Variants in TNRC6C observed in about 807,000 individuals in gnomAD.
The protein encoded by TNRC6C is trinucleotide repeat containing adaptor 6C, also known as trinucleotide repeat-containing gene 6C protein.
TNRC6C carries 20 observed loss-of-function variants against 153.7 expected under a neutral mutation model. That is an observed-to-expected ratio of 0.13 (90% CI 0.09 to 0.19). The LOEUF is 0.19. Ranked by LOEUF, TNRC6C falls within the 10% of genes least tolerant of loss-of-function variation. The probability of loss-of-function intolerance (pLI) is 1.00; values close to 1 mark genes in which losing one functional copy is unlikely to be tolerated. For synonymous variants in TNRC6C, 811 were observed against 841.4 expected, an observed-to-expected ratio of 0.96 and a Z score of 0.63; for missense variants, 1,987 against 2,172.0, an observed-to-expected ratio of 0.91 and a Z score of 1.69.
At chr17:77,969,408 C>G (rs1339871482) in intron 1 of TNRC6C, among the ~76,000 whole-genome samples, 1 of 152,110 alleles carries the variant, frequency 6.6e-6, no homozygotes, top group Admixed American at 6.5e-5. Flanking sequence ...CGCCACCATG[C>G]CCAGCTAATT....
chr17:78,051,218 G>A (rs773055738), exon 3 of TNRC6C: 27 of 1,565,066 alleles, frequency 1.7e-5, no homozygotes, highest in East Asian at 2.4e-5. Flanking sequence ...CCGTCCATTC[G>A]CCGCAAAATG....
chr17:78,104,879 C>A lies in TNRC6C; in HGVS notation c.*34C>A. The A allele has an allele frequency of 7.2e-7, 1 of 1,385,512 alleles. No individual in the cohort carries two copies. The highest frequency in any genetic ancestry group is 1.6e-5 in the South Asian group (1 of 60,670). 85.8% of individuals were successfully genotyped at this position (1,385,512 alleles called of 1,614,324 possible). On this transcript the variant is annotated 3_prime_UTR_variant, in exon 20 of 20. Transcript: ENST00000301624. This position sits in a 1 kb window ranked among gnomAD's most constrained non-coding sequence, Gnocchi z 6.2. The stretch of plus-strand genomic sequence containing the variant: ...ATCATCAGCACCAGGAGAGCCGACC[C>A]CTCCCGGGACCCCTCCCGGCTGGGC...
chr17:78,050,436 T>G, exon 3 of TNRC6C: 5 of 1,614,032 alleles, frequency 3.1e-6, no homozygotes, highest in Non-Finnish European at 3.4e-6. Flanking sequence ...AGCAAAACAC[T>G]GCCTGGGAAT....
intron 4 of TNRC6C, 112 bp downstream of exon 6, chr17:78,065,049 C>A: frequency 7.9e-7 from 1 of 1,269,388 alleles, no homozygotes; most frequent in Non-Finnish European, 1.1e-6. Flanking sequence ...TACACTTTAA[C>A]TACAAACCAA....
At chr17:78,103,330 A>G in intron 18 of TNRC6C, 84 bp from the exon 22 acceptor site, 2 of 1,526,446 alleles carry the variant, frequency 1.3e-6, no homozygotes, top group East Asian at 2.3e-5. Flanking sequence ...TAGTGTATCC[A>G]ATTTCATACG....
At chr17:77,968,046 T>A (rs1459696470) in intron 1 of TNRC6C, among the ~76,000 whole-genome samples, 1 of 152,182 alleles carries the variant, frequency 6.6e-6, no homozygotes, top group Non-Finnish European at 1.5e-5. Flanking sequence ...TTCTTATTCT[T>A]ATTTTGAGAC....
intron 3 of TNRC6C, among the ~76,000 whole-genome samples, chr17:78,061,717 G>GT (rs1567945493): frequency 6.6e-6 from 1 of 152,136 alleles, no homozygotes. Flanking sequence ...GAAATATTTG[G>GT]TTTTTTAATT....
rs765595535 is a variant in TNRC6C at position 78,051,325 on chromosome 17, A to G, written c.2263A>G (p.Ser755Gly). The stretch of plus-strand genomic sequence containing the variant: ...TAGAAACAACCCGGTCATCCAGAGC[A>G]GTACCACGACCAATACCACCACCAC... Residue 755 changes from serine (S) to glycine (G), a missense_variant, in exon 3 of 20, where the codon AGT becomes GGT. Ser to Gly is a moderately conservative substitution (Grantham distance 56, BLOSUM62 0). Around this residue, in one of 4 missense-constraint regions of TNRC6C, gnomAD observed 1,052 missense variants for 1,017.0 expected, o/e 1.03. Coordinates refer to ENST00000301624, the Ensembl canonical transcript of TNRC6C. 1.3e-6 allele frequency: 2 copies of G among 1,551,772 alleles called. No individual in the cohort carries two copies. Among genetic ancestry groups the G allele is most frequent in the Non-Finnish European group, 1.7e-6 (2 of 1,147,034 alleles).
chr17:77,988,938 C>T (rs2071211155), intron 1 of TNRC6C, among the ~76,000 whole-genome samples: 1 of 152,140 alleles, frequency 6.6e-6, no homozygotes, highest in Admixed American at 6.5e-5. Flanking sequence ...AAGCAGGGAC[C>T]TAGAACATCA....
At chr17:77,971,554 C>T (rs567841921) in intron 1 of TNRC6C, among the ~76,000 whole-genome samples, 1 of 152,234 alleles carries the variant, frequency 6.6e-6, no homozygotes, top group African/African-American at 2.4e-5. Context: ...CAGAACTGCA[C>T]CCCTGTTCTT....
rs141094816 is a variant in TNRC6C at position 78,052,201 on chromosome 17, G to A, written c.2395+744G>A. On this transcript the variant is annotated intron_variant, in intron 3 of 19. Transcript: ENST00000301624. ...CTGGGGTTCTTTTCTCTCTGGGAGT[G>A]TGAATACTAGCCCAGAGTGGAGGAG... Among the ~76,000 whole-genome samples, 564 of 152,338 alleles carry A rather than the reference G, an allele frequency of 3.7e-3. 7 individuals carry two copies. Among genetic ancestry groups the A allele is most frequent in the African/African-American group, 0.013 (522 of 41,588 alleles).
Position 78,075,190 on chromosome 17 carries a change from A to T in TNRC6C, c.2972A>T (p.Asp991Val). Reference sequence around the variant, plus strand: ...GACAAGCGTGGGCTGGGAGTGACCGACCATAATGGAATGGCCGCCAAGCCC... The same window carrying T: ...GACAAGCGTGGGCTGGGAGTGACCGTCCATAATGGAATGGCCGCCAAGCCC... The change falls in exon 8 of 20, where the codon GAC (aspartate) becomes GTC (valine). Residue 991 changes from aspartate (D) to valine (V), a missense_variant. By Grantham distance (152) the Asp-to-Val change is radical. Around this residue, in one of 4 missense-constraint regions of TNRC6C, gnomAD observed 765 missense variants for 908.6 expected, o/e 0.84. Transcript: ENST00000301624. This position sits in a 1 kb window ranked among gnomAD's most constrained non-coding sequence, Gnocchi z 4.2. 2.5e-6 allele frequency: 4 copies of T among 1,610,612 alleles called. No individual in the cohort carries two copies. The highest frequency in any genetic ancestry group is 3.4e-6 in the Non-Finnish European group (4 of 1,178,398).
intron 1 of TNRC6C, among the ~76,000 whole-genome samples, chr17:77,995,702 T>G (rs898197905): frequency 1.3e-5 from 2 of 152,144 alleles, no homozygotes; most frequent in African/African-American, 4.8e-5. Context: ...TTTCTTCTGT[T>G]ACTTTAGCAC....
chr17:78,020,401 TA>T (rs1394579180), intron 1 of TNRC6C, among the ~76,000 whole-genome samples: 1 of 152,160 alleles, frequency 6.6e-6, no homozygotes, highest in Non-Finnish European at 1.5e-5. Flanking sequence ...TAGTGTAGAG[TA>T]AATAGTTGTA....
chr17:77,989,420 G>C (rs1567903279), intron 1 of TNRC6C, among the ~76,000 whole-genome samples: 1 of 152,174 alleles, frequency 6.6e-6, no homozygotes, highest in Non-Finnish European at 1.5e-5. Context: ...TGGAAACTCT[G>C]AAAAGCAACT....
chr17:78,096,426 A>T (rs1167432522), intron 16 of TNRC6C, among the ~76,000 whole-genome samples: 1 of 152,218 alleles, frequency 6.6e-6, no homozygotes, highest in Non-Finnish European at 1.5e-5. Flanking sequence ...TAAAAATTGG[A>T]AAAAATAAAA....
At chr17:78,060,025 T>TTCTGTG (rs2072735723) in intron 3 of TNRC6C, among the ~76,000 whole-genome samples, 2 of 152,126 alleles carry the variant, frequency 1.3e-5, no homozygotes, top group Non-Finnish European at 2.9e-5. Flanking sequence ...GAAGCTGTTC[T>TTCTGTG]AAGGGAAGTT....
rs773991102 is a variant in TNRC6C, at chr17:78,087,292, T to A, written c.3802+199T>A. 5.3e-5 allele frequency among the ~76,000 whole-genome samples: 8 copies of A among 152,040 alleles called. 1 individual carries two copies. Among genetic ancestry groups the A allele is most frequent in the Admixed American group, 6.6e-5 (1 of 15,266 alleles). On this transcript the variant is annotated intron_variant, in intron 13 of 19. Transcript: ENST00000301624. ...TAATTTTAAAAAAATTTTTTAATTATTTTTTTGAGAGATGGGGGTCTCACC... is the reference window on the plus strand; with the variant it reads ...TAATTTTAAAAAAATTTTTTAATTAATTTTTTGAGAGATGGGGGTCTCACC...
chr17:78,075,322 G>A lies in TNRC6C; in HGVS notation c.3060+44G>A, dbSNP rs2073065940. 6.5e-7 allele frequency: 1 copy of A among 1,542,192 alleles called. No homozygotes were observed. ...TGTTGTTTTTGCTTTTTTAACAAGA[G>A]GAGTTTTTCATTTCAACTGTGTCCT... On this transcript the variant is annotated intron_variant, in intron 8 of 19. Coordinates refer to ENST00000301624, the Ensembl canonical transcript of TNRC6C. The surrounding 1 kb of genome is among the most constrained non-coding windows in gnomAD (Gnocchi z 4.2).
Sources: allele counts gnomAD v4.1 joint callset (sites outside exome capture counted in the v4.1 genomes callset), GRCh38; gene constraint gnomAD v4.1.1; regional missense constraint gnomAD v4.1.1; non-coding constraint Gnocchi (gnomAD v3.1); transcripts MANE v1.5; gene names NCBI Gene and HGNC (gene_info 2026-07-23, HGNC 2026-07-21).